LPGAT1: variants seen among roughly 807,000 people sequenced by gnomAD.
The protein encoded by LPGAT1 is lysophosphatidylglycerol acyltransferase 1, also known as acyl-CoA:lysophosphatidylglycerol acyltransferase 1.
LPGAT1 carries 11 observed loss-of-function variants against 47.5 expected under a neutral mutation model. That is an observed-to-expected ratio of 0.23 (90% CI 0.15 to 0.38). LPGAT1 has a LOEUF of 0.38. Among genes scored for constraint, LPGAT1 ranks in the 10% least tolerant of loss-of-function variants. The pLI is 1.00. For synonymous variants in LPGAT1, 138 were observed against 144.2 expected, an observed-to-expected ratio of 0.96 and a Z score of 0.31; for missense variants, 293 against 439.0, an observed-to-expected ratio of 0.67 and a Z score of 2.97.
At chr1:211,820,172 T>C (rs2102601797) in intron 2 of LPGAT1, among the ~76,000 whole-genome samples, 1 of 152,148 alleles carries the variant, frequency 6.6e-6, no homozygotes, top group East Asian at 1.9e-4. Flanking sequence ...CCAGGTGTCA[T>C]ATGTGAAAAA....
chr1:211,786,402 G>A (rs929529827), intron 4 of LPGAT1, among the ~76,000 whole-genome samples: 2 of 152,200 alleles, frequency 1.3e-5, no homozygotes, highest in African/African-American at 2.4e-5. Flanking sequence ...TGCAAAGCAC[G>A]GCACAATCCA....
At chr1:211,756,007 G>T (rs1179796539) in intron 6 of LPGAT1, among the ~76,000 whole-genome samples, 1 of 152,188 alleles carries the variant, frequency 6.6e-6, no homozygotes, top group Non-Finnish European at 1.5e-5. Context: ...GGAGGCCGAG[G>T]CAGGTGGATC....
At chr1:211,751,326 T>G (rs1234547549) in intron 6 of LPGAT1, among the ~76,000 whole-genome samples, 1 of 152,234 alleles carries the variant, frequency 6.6e-6, no homozygotes, top group Non-Finnish European at 1.5e-5. Flanking sequence ...AACATACTAT[T>G]AAATTACCTT....
intron 6 of LPGAT1, among the ~76,000 whole-genome samples, chr1:211,753,160 T>C (rs1657276468): frequency 6.6e-6 from 1 of 152,216 alleles, no homozygotes; most frequent in South Asian, 2.1e-4. Flanking sequence ...ACCATTGTCC[T>C]GGTGAGTCCC....
intron 2 of LPGAT1, among the ~76,000 whole-genome samples, chr1:211,804,403 TC>T (rs1195928730): frequency 6.6e-6 from 1 of 152,150 alleles, no homozygotes; most frequent in African/African-American, 2.4e-5. Flanking sequence ...GATAAGGCTT[TC>T]TGAATATTAA....
At position 211,749,877 on chromosome 1, in the gene LPGAT1, C is replaced by T. The variant is rs1657102044; in HGVS notation, c.*22G>A. 6.2e-7 allele frequency: 1 copy of T among 1,611,276 alleles called. No homozygotes were observed. Among genetic ancestry groups the T allele is most frequent in the Non-Finnish European group, 8.5e-7 (1 of 1,178,428 alleles). On this transcript the variant is annotated 3_prime_UTR_variant, in exon 8 of 8. Transcript: ENST00000366997. ...AGAAAGTCTGAACTCCTACGGTGAC[C>T]TTGACAAGTCCACGTCAATTCCTAA...
chr1:211,789,320 A>G (rs1424179887), intron 3 of LPGAT1, among the ~76,000 whole-genome samples: 1 of 152,240 alleles, frequency 6.6e-6, no homozygotes, highest in Non-Finnish European at 1.5e-5. Flanking sequence ...TTAAATGCCA[A>G]ATAACTAGCT....
chr1:211,777,400 G>A (rs1200064995), intron 6 of LPGAT1, among the ~76,000 whole-genome samples: 2 of 152,136 alleles, frequency 1.3e-5, no homozygotes, highest in Non-Finnish European at 2.9e-5. Flanking sequence ...CTCCTCACTT[G>A]TCCTTGGTAG....
At chr1:211,783,680 T>C (rs772838459) in intron 4 of LPGAT1, among the ~76,000 whole-genome samples, 178 bp from the exon 5 acceptor site, 3 of 152,206 alleles carry the variant, frequency 2.0e-5, no homozygotes, top group Non-Finnish European at 4.4e-5. Context: ...AGAGAAGTTA[T>C]TAGCATTTAT....
At chr1:211,824,362 C>T (rs927588219) in intron 2 of LPGAT1, among the ~76,000 whole-genome samples, 2 of 152,146 alleles carry the variant, frequency 1.3e-5, no homozygotes, top group African/African-American at 4.8e-5. Flanking sequence ...TGCCACTGTA[C>T]TCCAGGCTGG....
At chr1:211,797,872 G>A (rs1443866094) in intron 2 of LPGAT1, among the ~76,000 whole-genome samples, 1 of 152,090 alleles carries the variant, frequency 6.6e-6, no homozygotes, top group Non-Finnish European at 1.5e-5. Flanking sequence ...AATAAAAACT[G>A]GAGGAAAAAT....
At position 211,745,807 on chromosome 1, in the gene LPGAT1, A is replaced by T. The variant is rs954215234; in HGVS notation, c.*4092T>A. 6.6e-6 allele frequency: 1 copy of T among 152,664 alleles called. No homozygotes were observed. Among genetic ancestry groups the T allele is most frequent in the South Asian group, 2.1e-4 (1 of 4,836 alleles). 9.5% of individuals were successfully genotyped at this position (152,664 alleles called of 1,614,324 possible). Reference sequence around the variant, plus strand: ...AACTTAGATGGTTTTGGTCCCAAACATATTAGTCTCTACCCTTCCTGCTAT... The same window carrying T: ...AACTTAGATGGTTTTGGTCCCAAACTTATTAGTCTCTACCCTTCCTGCTAT... On this transcript the variant is annotated 3_prime_UTR_variant, in exon 8 of 8. Coordinates refer to ENST00000366997, the MANE Select transcript of LPGAT1 (RefSeq NM_014873.3).
chr1:211,805,050 C>G (rs2102576666), intron 2 of LPGAT1, among the ~76,000 whole-genome samples: 1 of 149,906 alleles, frequency 6.7e-6, no homozygotes, highest in African/African-American at 2.5e-5. Flanking sequence ...TGACAGAATA[C>G]TAAATACCAA....
chr1:211,807,724 T>C (rs1388792042), intron 2 of LPGAT1, among the ~76,000 whole-genome samples: 1 of 152,164 alleles, frequency 6.6e-6, no homozygotes, highest in African/African-American at 2.4e-5. Context: ...TCATACCTGA[T>C]AGAATGATTA....
In LPGAT1 at chr1:211,816,914, A is replaced by C. The variant is rs191158138; in HGVS notation, c.238+12145T>G. ...ATCTCTAATATACTTATTTTGCAATATCTATTATTTGTTGAAAATACATCT... is the reference window on the plus strand; with the variant it reads ...ATCTCTAATATACTTATTTTGCAATCTCTATTATTTGTTGAAAATACATCT... On this transcript the variant is annotated intron_variant, in intron 2 of 7. Transcript: ENST00000366997. Among the ~76,000 whole-genome samples, 4 of 152,324 alleles carry C rather than the reference A, an allele frequency of 2.6e-5. No homozygotes were observed. In the East Asian group the frequency reaches 5.8e-4, roughly 22 times the overall value.
intron 6 of LPGAT1, among the ~76,000 whole-genome samples, chr1:211,770,515 T>C (rs1008464836): frequency 1.3e-5 from 2 of 152,228 alleles, no homozygotes; most frequent in Non-Finnish European, 1.5e-5. Flanking sequence ...ATGTGCCACA[T>C]GACATTTCAG....
intron 6 of LPGAT1, among the ~76,000 whole-genome samples, chr1:211,773,024 C>A (rs1251873107): frequency 6.6e-6 from 1 of 152,144 alleles, no homozygotes; most frequent in Non-Finnish European, 1.5e-5. Context: ...CAATAATTCT[C>A]ACTGTGCAGA....
At chr1:211,750,746 A>G (rs1419901330) in intron 7 of LPGAT1, among the ~76,000 whole-genome samples, 3 of 152,222 alleles carry the variant, frequency 2.0e-5, no homozygotes, top group Non-Finnish European at 4.4e-5. Flanking sequence ...ATATTACCTA[A>G]GGTCATCTTG....
chr1:211,807,458 T>C (rs892724465), intron 2 of LPGAT1, among the ~76,000 whole-genome samples: 22 of 151,898 alleles, frequency 1.4e-4, no homozygotes, highest in African/African-American at 4.8e-4. Flanking sequence ...CAAAATAACT[T>C]TGAAAAAAAA....
Sources: allele counts gnomAD v4.1 joint callset (sites outside exome capture counted in the v4.1 genomes callset), GRCh38; gene constraint gnomAD v4.1.1; transcripts MANE v1.5; gene names NCBI Gene and HGNC (gene_info 2026-07-23, HGNC 2026-07-21).